The following TMEM232 variants were observed in gnomAD, a reference collection of about 807,000 sequenced individuals.
The protein encoded by TMEM232 is transmembrane protein 232.
A neutral mutation model predicts 78.8 loss-of-function variants in TMEM232; 80 were observed. The ratio of observed to expected loss-of-function variants is 1.01; its 90% CI spans 0.85 to 1.22. TMEM232 has a LOEUF of 1.22. Ranked by LOEUF, TMEM232 falls within the 50% of genes most tolerant of loss-of-function variation. The pLI is 0.00. For synonymous variants in TMEM232, 297 were observed against 254.3 expected, an observed-to-expected ratio of 1.17 and a Z score of -1.60; for missense variants, 881 against 742.2, an observed-to-expected ratio of 1.19 and a Z score of -2.17.
chr5:110,531,645 C>A (rs1561640007), intron 11 of TMEM232, among the ~76,000 whole-genome samples: 1 of 152,160 alleles, frequency 6.6e-6, no homozygotes, highest in Admixed American at 6.5e-5. Flanking sequence ...TTTTAGCCCT[C>A]CCCCACCTGC....
intron 1 of TMEM232, among the ~76,000 whole-genome samples, chr5:110,699,483 T>C (rs1795191985): frequency 1.3e-5 from 2 of 152,020 alleles, no homozygotes; most frequent in Admixed American, 1.3e-4. Context: ...TGGGACTCTT[T>C]TGAGATCCCG....
chr5:110,700,585 C>A (rs1254127118), intron 1 of TMEM232, among the ~76,000 whole-genome samples: 2 of 151,840 alleles, frequency 1.3e-5, no homozygotes, highest in East Asian at 3.9e-4. Context: ...TGCAAGGAAC[C>A]AGGACATCTG....
chr5:110,544,561 G>T (rs1381891451), intron 11 of TMEM232, among the ~76,000 whole-genome samples: 2 of 151,646 alleles, frequency 1.3e-5, no homozygotes, highest in African/African-American at 4.8e-5. Context: ...AGAGAAAAAA[G>T]GAAAAAATAA....
intron 12 of TMEM232, among the ~76,000 whole-genome samples, chr5:110,467,480 G>A (rs191292085): frequency 1.2e-4 from 19 of 152,286 alleles, no homozygotes; most frequent in Non-Finnish European, 2.4e-4. Context: ...CAGTTGGGCA[G>A]CTAATACACT....
chr5:110,575,376 T>G (rs778576962), intron 10 of TMEM232, among the ~76,000 whole-genome samples: 2 of 152,020 alleles, frequency 1.3e-5, no homozygotes, highest in East Asian at 3.9e-4. Flanking sequence ...AATGTGGTAG[T>G]TGATTGAAGC....
intron 1 of TMEM232, among the ~76,000 whole-genome samples, chr5:110,691,357 G>A (rs2150226105): frequency 6.6e-6 from 1 of 152,262 alleles, no homozygotes; most frequent in East Asian, 1.9e-4. Context: ...ATTCACCATA[G>A]GAAGCCCTTT....
At chr5:110,708,518 A>G (rs1009611304) in intron 1 of TMEM232, among the ~76,000 whole-genome samples, 5 of 152,210 alleles carry the variant, frequency 3.3e-5, no homozygotes, top group South Asian at 2.1e-4. Context: ...ATCAAAAACA[A>G]TAACTACAAA....
chr5:110,418,991 A>C (rs1324770039), downstream of TMEM232, among the ~76,000 whole-genome samples: 1 of 152,166 alleles, frequency 6.6e-6, no homozygotes, highest in African/African-American at 2.4e-5. Flanking sequence ...GGCTCATGTC[A>C]CTGATGGCTT....
intron 10 of TMEM232, among the ~76,000 whole-genome samples, chr5:110,587,567 T>G (rs976101048): frequency 6.6e-6 from 1 of 151,328 alleles, no homozygotes; most frequent in Non-Finnish European, 1.5e-5. Context: ...CCTTACTCTT[T>G]CCTTGAAAAT....
intron 12 of TMEM232, among the ~76,000 whole-genome samples, chr5:110,450,624 G>T (rs905740050): frequency 6.6e-6 from 1 of 152,076 alleles, no homozygotes; most frequent in African/African-American, 2.4e-5. Flanking sequence ...ATCAAAACAG[G>T]TGTCAGGCAG....
intron 12 of TMEM232, among the ~76,000 whole-genome samples, chr5:110,475,357 T>C (rs1763129824): frequency 6.6e-6 from 1 of 151,290 alleles, no homozygotes; most frequent in Non-Finnish European, 1.5e-5. Flanking sequence ...ACACCATATA[T>C]AAAATTTCAT....
chr5:110,666,977 C>T (rs1481123178), intron 2 of TMEM232: 1 of 290,816 alleles, frequency 3.4e-6, no homozygotes, highest in Non-Finnish European at 6.3e-6. Context: ...AATATTTTCT[C>T]ATGCAATCTA....
At chr5:110,725,173 T>C (rs1798032052) in intron 1 of TMEM232, among the ~76,000 whole-genome samples, 1 of 152,202 alleles carries the variant, frequency 6.6e-6, no homozygotes, top group African/African-American at 2.4e-5. Flanking sequence ...GGGATGAAAC[T>C]ACCTCGAAAA....
At chr5:110,659,226 C>T (rs1036711526) in intron 2 of TMEM232, among the ~76,000 whole-genome samples, 1 of 151,996 alleles carries the variant, frequency 6.6e-6, no homozygotes, top group African/African-American at 2.4e-5. Context: ...TTAGGATTAT[C>T]GGTATAAAGT....
chr5:110,511,888 G>A (rs1581008293), intron 12 of TMEM232, among the ~76,000 whole-genome samples: 1 of 152,104 alleles, frequency 6.6e-6, no homozygotes, highest in African/African-American at 2.4e-5. Context: ...GTCTTCATGA[G>A]CCAGCCATAC....
chr5:110,576,350 G>C, intron 10 of TMEM232, among the ~76,000 whole-genome samples: 2 of 152,002 alleles, frequency 1.3e-5, no homozygotes, highest in East Asian at 3.9e-4. Flanking sequence ...TCTCTACAAG[G>C]AGAACTACAA....
chr5:110,489,727 G>A (rs1251527254), intron 12 of TMEM232, among the ~76,000 whole-genome samples: 1 of 151,886 alleles, frequency 6.6e-6, no homozygotes, highest in Non-Finnish European at 1.5e-5. Context: ...GTTTGCAGAT[G>A]GTATGATCTC....
chr5:110,490,127 AAGAAAGAAAG>A (rs1764881455), intron 12 of TMEM232, among the ~76,000 whole-genome samples: 2 of 72,136 alleles, frequency 2.8e-5, no homozygotes, highest in Admixed American at 1.1e-4. Context: ...TTCAAAAAGA[AAGAAAGAAAG>A]AAAGAAAGAA....
At chr5:110,688,552 T>G (rs1793711120) in intron 1 of TMEM232, among the ~76,000 whole-genome samples, 1 of 152,118 alleles carries the variant, frequency 6.6e-6, no homozygotes, top group Non-Finnish European at 1.5e-5. Flanking sequence ...ACCCCACAGC[T>G]TAGTAGAGGC....
Sources: gnomAD v4.1 joint callset for allele counts (sites outside exome capture counted in the v4.1 genomes callset) on GRCh38, gnomAD v4.1.1 for gene constraint, MANE v1.5 for transcripts, NCBI Gene and HGNC (gene_info 2026-07-23, HGNC 2026-07-21) for gene names.